PARD3B: variants seen among roughly 807,000 people sequenced by gnomAD.
PARD3B encodes par-3 family cell polarity regulator beta.
PARD3B carries 103 observed loss-of-function variants against 130.2 expected under a neutral mutation model. That is an observed-to-expected ratio of 0.79 (90% CI 0.67 to 0.93). The LOEUF (loss-of-function observed/expected upper bound fraction) is 0.93, where lower values mean the gene tolerates loss of function less well. Ranked by LOEUF, PARD3B falls within the 40% of genes least tolerant of loss-of-function variation. The pLI, the probability that PARD3B is intolerant of heterozygous loss-of-function variation, is 0.00. For missense variants in PARD3B, 1,609 were observed against 1,499.2 expected (o/e 1.07, Z -1.21); for synonymous variants, 583 against 553.2 (o/e 1.05, Z -0.76).
intron 22 of PARD3B, among the ~76,000 whole-genome samples, chr2:205,569,331 T>C (rs2336600): frequency 0.26 from 40,248 of 152,004 alleles, 6,460 homozygotes; most frequent in South Asian, 0.45. Flanking sequence ...GCTATCTTTA[T>C]GGTAATATAA....
intron 2 of PARD3B, among the ~76,000 whole-genome samples, chr2:204,843,926 A>G (rs892938891): frequency 6.6e-6 from 1 of 152,122 alleles, no homozygotes; most frequent in African/African-American, 2.4e-5. Flanking sequence ...GCGACCTGAC[A>G]TCCCCTACTA....
intron 1 of PARD3B, among the ~76,000 whole-genome samples, chr2:204,653,808 A>G (rs1376360565): frequency 6.7e-6 from 1 of 149,152 alleles, no homozygotes; most frequent in Non-Finnish European, 1.5e-5. Flanking sequence ...AAAAAAAAGA[A>G]GTTGAAATAT....
In PARD3B at chr2:204,559,952, A is replaced by G. The variant is rs910099705; in HGVS notation, c.120+13833A>G. ...CTATCACAAAGACAGAAAACCAAAC[A>G]CTCCAGGTTCTCACTCATAGGTGGA... On this transcript the variant is annotated intron_variant, in intron 1 of 22. Transcript: ENST00000406610. Among the ~76,000 whole-genome samples, 4 of 150,064 alleles carry G rather than the reference A, an allele frequency of 2.7e-5. No homozygotes were observed. In the Admixed American group the frequency reaches 2.7e-4, roughly 10 times the overall value.
chr2:205,280,685 CACTT>C lies in PARD3B; in HGVS notation c.2186-19843_2186-19840del, dbSNP rs1156257262. Among the ~76,000 whole-genome samples, 1 of 152,176 alleles carries C rather than the reference CACTT, an allele frequency of 6.6e-6. No homozygotes were observed. The highest frequency in any genetic ancestry group is 2.4e-5 in the African/African-American group (1 of 41,432). On this transcript the variant is annotated intron_variant, in intron 16 of 22. Coordinates refer to ENST00000406610, the MANE Select transcript of PARD3B (RefSeq NM_001302769.2). This position sits in a 1 kb window ranked among gnomAD's most constrained non-coding sequence, Gnocchi z 4.7. Reference sequence around the variant, plus strand: ...ACAAGTGGTTCCTTGATAAAGTTAACACTTAGTTAATTACCCAGAGCCTTGACAT... The same window carrying C: ...ACAAGTGGTTCCTTGATAAAGTTAACAGTTAATTACCCAGAGCCTTGACAT...
intron 22 of PARD3B, among the ~76,000 whole-genome samples, chr2:205,602,193 T>C (rs988722014): frequency 7.2e-5 from 11 of 152,206 alleles, no homozygotes; most frequent in African/African-American, 1.2e-4. Flanking sequence ...GATTTGCATA[T>C]GTTGAACCAG....
At chr2:205,051,489 A>G (rs1699187622) in intron 4 of PARD3B, among the ~76,000 whole-genome samples, 1 of 152,198 alleles carries the variant, frequency 6.6e-6, no homozygotes, top group African/African-American at 2.4e-5. Flanking sequence ...CTTATAACCC[A>G]CAGCATAAGA....
chr2:204,866,405 T>G (rs2125637895), intron 2 of PARD3B, among the ~76,000 whole-genome samples: 1 of 152,308 alleles, frequency 6.6e-6, no homozygotes, highest in South Asian at 2.1e-4. Context: ...ATATGTGAGC[T>G]GTCTTCTCTC....
At chr2:205,528,521 C>T (rs1030423435) in intron 21 of PARD3B, among the ~76,000 whole-genome samples, 22 of 150,368 alleles carry the variant, frequency 1.5e-4, no homozygotes, top group African/African-American at 5.1e-4. Flanking sequence ...GAAACAGAGT[C>T]TTGCTCTGTT....
At chr2:205,326,265 G>A (rs969618601) in intron 18 of PARD3B, among the ~76,000 whole-genome samples, 1 of 152,230 alleles carries the variant, frequency 6.6e-6, no homozygotes, top group African/African-American at 2.4e-5. Flanking sequence ...GTGACACCAA[G>A]TCTTAATGAC....
intron 1 of PARD3B, among the ~76,000 whole-genome samples, chr2:204,605,092 G>GAC (rs1277460324): frequency 2.6e-5 from 4 of 152,152 alleles, no homozygotes; most frequent in African/African-American, 7.2e-5. Flanking sequence ...GATATGGCCA[G>GAC]ACAGAGTGCT....
chr2:205,399,598 A>G (rs962109464), intron 18 of PARD3B, among the ~76,000 whole-genome samples: 4 of 152,230 alleles, frequency 2.6e-5, no homozygotes, highest in East Asian at 1.9e-4. Context: ...CAGGTGATCC[A>G]CCTGCCTTGG....
chr2:205,066,978 A>G (rs916614525), intron 4 of PARD3B, among the ~76,000 whole-genome samples: 3 of 152,022 alleles, frequency 2.0e-5, no homozygotes, highest in Admixed American at 6.6e-5. Context: ...GTGCACCTGA[A>G]CAAAACTGGG....
chr2:205,342,717 A>C (rs849213), intron 18 of PARD3B, among the ~76,000 whole-genome samples: 36,366 of 152,068 alleles, frequency 0.24, 5,682 homozygotes, highest in African/African-American at 0.44. Flanking sequence ...TTAATATTAG[A>C]ACTACTTTGA....
Position 205,617,090 on chromosome 2 carries a change from G to GC in PARD3B, c.*1279dup, listed in dbSNP as rs2055461776. ...TTAGCTAAAGTCAGGTCAGGGCAGG[G>GC]CCAAGGCCTCCAATTGGCAAAGGAC... is the stretch of plus-strand genomic sequence containing the variant. On this transcript the variant is annotated 3_prime_UTR_variant, in exon 23 of 23. Transcript: ENST00000406610. 1 of 154,428 alleles carries GC rather than the reference G, an allele frequency of 6.5e-6. No homozygotes were observed. Among genetic ancestry groups the GC allele is most frequent in the African/African-American group, 2.4e-5 (1 of 41,534 alleles). 9.6% of individuals were successfully genotyped at this position (154,428 alleles called of 1,614,324 possible).
chr2:205,356,900 A>AAG (rs1267237140), intron 18 of PARD3B, among the ~76,000 whole-genome samples: 3 of 151,762 alleles, frequency 2.0e-5, no homozygotes, highest in Non-Finnish European at 4.4e-5. Flanking sequence ...CAAAAAAAAA[A>AAG]AAAAAATAGA....
chr2:205,508,257 G>A (rs1378513695), intron 21 of PARD3B, among the ~76,000 whole-genome samples: 1 of 152,130 alleles, frequency 6.6e-6, no homozygotes, highest in African/African-American at 2.4e-5. Context: ...GTGAGATGGG[G>A]TAAAGAATTA....
chr2:204,925,555 T>C (rs1687543089), intron 2 of PARD3B, among the ~76,000 whole-genome samples: 1 of 142,918 alleles, frequency 7.0e-6, no homozygotes, highest in African/African-American at 2.5e-5. Flanking sequence ...AATTTAAAAA[T>C]GAACAGGAAT....
intron 18 of PARD3B, among the ~76,000 whole-genome samples, chr2:205,333,792 T>C (rs2043216578): frequency 6.6e-6 from 1 of 152,176 alleles, no homozygotes; most frequent in Non-Finnish European, 1.5e-5. Context: ...ACTAGATCTC[T>C]CTATGATTCC....
chr2:205,234,774 T>C (rs959993313), intron 15 of PARD3B, among the ~76,000 whole-genome samples: 3 of 152,122 alleles, frequency 2.0e-5, no homozygotes, highest in African/African-American at 7.2e-5. Context: ...TAACAGGACA[T>C]ACCGCATTCT....
Sources: allele counts gnomAD v4.1 joint callset (sites outside exome capture counted in the v4.1 genomes callset), GRCh38; gene constraint gnomAD v4.1.1; non-coding constraint Gnocchi (gnomAD v3.1); transcripts MANE v1.5; gene names NCBI Gene and HGNC (gene_info 2026-07-23, HGNC 2026-07-21).